The following AFG2A variants were observed in gnomAD, a reference collection of about 807,000 sequenced individuals.
AFG2A encodes the protein AAA ATPase AFG2A, also known as ATPase family gene 2 protein homolog A.
the AFG2A span, among the ~76,000 whole-genome samples, chr4:122,957,834 GT>G: frequency 1.3e-5 from 2 of 151,950 alleles, no homozygotes; most frequent in Non-Finnish European, 2.9e-5. Context: ...TAGAATAATT[GT>G]TTTTTTAAAG....
At chr4:123,121,811 CA>C in the AFG2A span, among the ~76,000 whole-genome samples, 2 of 152,134 alleles carry the variant, frequency 1.3e-5, no homozygotes, top group Non-Finnish European at 2.9e-5. Context: ...CTTTCTTGGC[CA>C]AATGTACTAT....
the AFG2A span, among the ~76,000 whole-genome samples, chr4:123,192,927 T>C: frequency 4.6e-5 from 7 of 152,374 alleles, no homozygotes; most frequent in Admixed American, 2.0e-4. Flanking sequence ...AAAGAAAGTT[T>C]GTTTTATGTA....
At chr4:123,103,784 T>C in the AFG2A span, among the ~76,000 whole-genome samples, 1 of 152,170 alleles carries the variant, frequency 6.6e-6, no homozygotes, top group Non-Finnish European at 1.5e-5. Context: ...AGTTGCAACA[T>C]GTCCATACAG....
the AFG2A span, among the ~76,000 whole-genome samples, chr4:123,050,568 C>T: frequency 6.6e-6 from 1 of 151,448 alleles, no homozygotes; most frequent in Non-Finnish European, 1.5e-5. Context: ...CTTTCTTTGT[C>T]TCTTTTTACA....
chr4:123,120,112 C>G, the AFG2A span, among the ~76,000 whole-genome samples: 1 of 152,088 alleles, frequency 6.6e-6, no homozygotes. Flanking sequence ...ATCTTCCAAA[C>G]AGAATTTATC....
the AFG2A span, among the ~76,000 whole-genome samples, chr4:122,964,034 T>C: frequency 6.6e-6 from 1 of 152,090 alleles, no homozygotes; most frequent in South Asian, 2.1e-4. Context: ...TCTAATCACC[T>C]TTTTTCAAAT....
At chr4:123,038,139 G>C in the AFG2A span, among the ~76,000 whole-genome samples, 1 of 152,072 alleles carries the variant, frequency 6.6e-6, no homozygotes, top group East Asian at 1.9e-4. Context: ...TAACTGTCAA[G>C]TGTAATAGTT....
chr4:123,309,189 C>T, the AFG2A span, among the ~76,000 whole-genome samples: 12 of 152,288 alleles, frequency 7.9e-5, no homozygotes, highest in African/African-American at 2.6e-4. Flanking sequence ...TGGGAAACAA[C>T]GAGTGTCGTA....
the AFG2A span, among the ~76,000 whole-genome samples, chr4:122,954,183 G>T: frequency 1.3e-5 from 2 of 152,142 alleles, no homozygotes; most frequent in Non-Finnish European, 2.9e-5. Flanking sequence ...CACCATAGAG[G>T]TGCTGCCTCA....
chr4:123,157,731 A>G, the AFG2A span, among the ~76,000 whole-genome samples: 1 of 152,318 alleles, frequency 6.6e-6, no homozygotes, highest in East Asian at 1.9e-4. Context: ...CCAACTTTCA[A>G]TATCACAAAA....
At chr4:123,037,389 G>A in the AFG2A span, among the ~76,000 whole-genome samples, 23 of 152,008 alleles carry the variant, frequency 1.5e-4, no homozygotes, top group Non-Finnish European at 2.2e-4. Flanking sequence ...GCCATGGAAT[G>A]TTAAAAGTAA....
the AFG2A span, among the ~76,000 whole-genome samples, chr4:122,983,781 C>A: frequency 6.6e-6 from 1 of 152,138 alleles, no homozygotes; most frequent in African/African-American, 2.4e-5. Flanking sequence ...TATTTGAGAG[C>A]CCCATAGATG....
At chr4:123,060,626 G>C in the AFG2A span, among the ~76,000 whole-genome samples, 2 of 152,140 alleles carry the variant, frequency 1.3e-5, no homozygotes, top group African/African-American at 4.8e-5. Context: ...CAGTGGCAGG[G>C]GGGGCCCTGG....
At chr4:123,296,696 G>A in the AFG2A span, among the ~76,000 whole-genome samples, 13 of 152,192 alleles carry the variant, frequency 8.5e-5, no homozygotes, top group Non-Finnish European at 1.0e-4. Context: ...GGTAGCAGGC[G>A]AGTGATTTCA....
At chr4:123,204,524 A>G in the AFG2A span, among the ~76,000 whole-genome samples, 3 of 152,156 alleles carry the variant, frequency 2.0e-5, no homozygotes, top group Non-Finnish European at 4.4e-5. Flanking sequence ...ATGTCCGCTC[A>G]TGACTTTTGC....
At chr4:123,049,395 AT>A in the AFG2A span, among the ~76,000 whole-genome samples, 1 of 151,588 alleles carries the variant, frequency 6.6e-6, no homozygotes, top group Non-Finnish European at 1.5e-5. Flanking sequence ...TTCTCCCTTC[AT>A]TTTTTTTGAA....
At chr4:123,007,629 TACACACACACACAAC>T in the AFG2A span, among the ~76,000 whole-genome samples, 1 of 99,082 alleles carries the variant, frequency 1.0e-5, no homozygotes, top group Non-Finnish European at 1.9e-5. Context: ...TATATATATA[TACACACACACACAAC>T]ACACACACAC....
chr4:123,204,649 AG>A, the AFG2A span, among the ~76,000 whole-genome samples: 2 of 152,196 alleles, frequency 1.3e-5, no homozygotes, highest in African/African-American at 2.4e-5. Context: ...TTTGCTTGTG[AG>A]AAACCTTATA....
chr4:123,055,249 C>T, the AFG2A span, among the ~76,000 whole-genome samples: 12 of 152,306 alleles, frequency 7.9e-5, no homozygotes, highest in Middle Eastern at 3.4e-3. Context: ...TATTTTGGCT[C>T]ATCAGAGACC....
Sources: gnomAD v4.1 joint callset for allele counts (sites outside exome capture counted in the v4.1 genomes callset) on GRCh38, gnomAD v4.1.1 for gene constraint, MANE v1.5 for transcripts, NCBI Gene and HGNC (gene_info 2026-07-23, HGNC 2026-07-21) for gene names.